Variants in KALRN observed in about 807,000 individuals in gnomAD.
KALRN encodes the protein kalirin RhoGEF kinase, also known as kalirin.
Under a neutral mutation model 353.7 loss-of-function variants are expected in KALRN, and 70 were observed. The observed-to-expected ratio is 0.20, with a 90% confidence interval of 0.16 to 0.24. The LOEUF is 0.24. KALRN is among the 10% of genes least tolerant of loss of function. KALRN has a pLI of 1.00. For synonymous variants in KALRN, 1,391 were observed against 1,434.8 expected (o/e 0.97, Z 0.69); for missense variants, 2,791 against 3,756.7 (o/e 0.74, Z 6.72).
intron 14 of KALRN, among the ~76,000 whole-genome samples, chr3:124,421,598 G>T (rs781160053): frequency 6.6e-6 from 1 of 152,114 alleles, no homozygotes; most frequent in Non-Finnish European, 1.5e-5. Context: ...CCAAAGTCAG[G>T]ATTCCAGCTC....
At chr3:124,039,694 G>A (rs953922819) in intron 1 of KALRN, among the ~76,000 whole-genome samples, 4 of 152,136 alleles carry the variant, frequency 2.6e-5, no homozygotes, top group Admixed American at 6.5e-5. Context: ...AAATGTCACC[G>A]CCCAGTCTGT....
intron 14 of KALRN, among the ~76,000 whole-genome samples, chr3:124,416,614 G>A (rs188662872): frequency 1.4e-3 from 220 of 152,352 alleles, no homozygotes; most frequent in African/African-American, 4.9e-3. Flanking sequence ...GCCTGGTTCT[G>A]CAGGGGAGGC....
Position 124,177,532 on chromosome 3 carries a change from TTGG to T in KALRN, c.74-50455_74-50453del, listed in dbSNP as rs1340046487. ...CCCTGAGGAAGCCCTGCAGTAGTAGTTGGTGAAGTGATCATTTTTCAGGCTCAG... is the reference window on the plus strand; with the variant it reads ...CCCTGAGGAAGCCCTGCAGTAGTAGTTGAAGTGATCATTTTTCAGGCTCAG... On this transcript the variant is annotated intron_variant, in intron 1 of 59. Transcript: ENST00000682506. Among the ~76,000 whole-genome samples the T allele has an allele frequency of 5.9e-5, 9 of 152,232 alleles. No individual in the cohort carries two copies. In the South Asian group the frequency reaches 1.9e-3, roughly 32 times the overall value.
intron 36 of KALRN, among the ~76,000 whole-genome samples, 172 bp downstream of exon 36, chr3:124,634,125 G>A (rs2081095612): frequency 6.6e-6 from 1 of 152,096 alleles, no homozygotes; most frequent in Admixed American, 6.5e-5. Flanking sequence ...CCCCAACCCT[G>A]GAGGTCCAAC....
chr3:124,394,128 G>T (rs938324488), intron 11 of KALRN, among the ~76,000 whole-genome samples: 2 of 152,204 alleles, frequency 1.3e-5, no homozygotes, highest in Admixed American at 1.3e-4. Context: ...AGATGGAAGG[G>T]TATAGTGATT....
chr3:124,438,316 A>G (rs1458646115), intron 17 of KALRN, among the ~76,000 whole-genome samples: 1 of 152,152 alleles, frequency 6.6e-6, no homozygotes. Context: ...TTACCCCTCT[A>G]CAGGAAATGT....
chr3:124,130,000 T>G (rs1349399489), intron 1 of KALRN, among the ~76,000 whole-genome samples: 1 of 152,222 alleles, frequency 6.6e-6, no homozygotes, highest in South Asian at 2.1e-4. Flanking sequence ...TGATAACTGA[T>G]TAACATTTGC....
At position 124,264,694 on chromosome 3, in the gene KALRN, A is replaced by G. The variant is rs760410127; in HGVS notation, c.456+4A>G. 1 of 1,613,356 alleles carries G rather than the reference A, an allele frequency of 6.2e-7. No homozygotes were observed. The highest frequency in any genetic ancestry group is 2.2e-5 in the East Asian group (1 of 44,878). The stretch of plus-strand genomic sequence containing the variant: ...CAGCTCCAAATTCATCTTTGAGGTG[A>G]GCCAGATTTCTCTCTCTTAGCATCT... On this transcript the variant is annotated splice_donor_region_variant and intron_variant, in intron 4 of 59. Coordinates refer to ENST00000682506, the MANE Select transcript of KALRN (RefSeq NM_001388419.1).
chr3:124,507,559 C>T (rs753320847), intron 33 of KALRN, among the ~76,000 whole-genome samples: 1 of 152,100 alleles, frequency 6.6e-6, no homozygotes, highest in African/African-American at 2.4e-5. Flanking sequence ...TTTTATTGAA[C>T]AAAATTTAAT....
intron 31 of KALRN, 63 bp from the exon 32 acceptor site, chr3:124,492,677 G>C: frequency 6.4e-7 from 1 of 1,551,706 alleles, no homozygotes; most frequent in Non-Finnish European, 8.8e-7. Context: ...GGAGGGTTGA[G>C]AACTGTTTTT....
At chr3:124,440,120 T>C (rs2093622809) in intron 18 of KALRN, among the ~76,000 whole-genome samples, 1 of 152,122 alleles carries the variant, frequency 6.6e-6, no homozygotes, top group Non-Finnish European at 1.5e-5. Flanking sequence ...GGTCAGAACC[T>C]CTAGTAATCA....
intron 33 of KALRN, among the ~76,000 whole-genome samples, chr3:124,547,038 C>T (rs1200417809): frequency 6.6e-6 from 1 of 152,228 alleles, no homozygotes; most frequent in Non-Finnish European, 1.5e-5. Flanking sequence ...TATGCAGTCT[C>T]TTCCTTTTAG....
chr3:124,503,451 CT>C (rs5852407), intron 33 of KALRN, among the ~76,000 whole-genome samples: 8,103 of 148,804 alleles, frequency 0.054, 276 homozygotes, highest in Middle Eastern at 0.095. Context: ...ATTGTAATTT[CT>C]TTTTTTTTTT....
intron 3 of KALRN, among the ~76,000 whole-genome samples, chr3:124,237,495 C>A (rs76213784): frequency 0.092 from 13,992 of 151,710 alleles, 1,812 homozygotes; most frequent in East Asian, 0.64. Flanking sequence ...GCCAAGTAGC[C>A]GGGATTACAG....
intron 1 of KALRN, among the ~76,000 whole-genome samples, chr3:124,193,951 G>T (rs1434984046): frequency 1.3e-5 from 2 of 152,070 alleles, no homozygotes; most frequent in East Asian, 3.9e-4. Flanking sequence ...AATTAGGGAG[G>T]ATTCTGACTT....
chr3:124,623,427 C>CACACACACACAA (rs139583497), intron 34 of KALRN, among the ~76,000 whole-genome samples: 2 of 147,128 alleles, frequency 1.4e-5, no homozygotes, highest in African/African-American at 5.0e-5. Flanking sequence ...CACACACACA[C>CACACACACACAA]AAAAGGGAGT....
chr3:124,674,525 T>C lies in KALRN; in HGVS notation c.7104T>C (p.His2368=). ...TGGTGTACCAGCCTGCCAGCGACCA[T>C]TCCCCCGCCGCCGAGGGCTGGGTCC... ...MCLVYQPASD[H]SPAAEGWVPG... The change falls in exon 49 of 60, where the codon CAT becomes CAC. Residue 2368 remains histidine (H), a synonymous_variant. Coordinates refer to ENST00000682506, the MANE Select transcript of KALRN (RefSeq NM_001388419.1). 5 of 1,613,726 alleles carry C rather than the reference T, an allele frequency of 3.1e-6. No individual in the cohort carries two copies. The highest frequency in any genetic ancestry group is 1.3e-5 in the African/African-American group (1 of 74,998).
At chr3:124,065,097 T>A (rs1261840894) in intron 1 of KALRN, among the ~76,000 whole-genome samples, 4 of 152,196 alleles carry the variant, frequency 2.6e-5, no homozygotes, top group Non-Finnish European at 5.9e-5. Context: ...CAGGAAAGAC[T>A]GCTTTGTACT....
intron 1 of KALRN, among the ~76,000 whole-genome samples, chr3:124,081,140 A>G (rs1232038447): frequency 6.6e-6 from 1 of 152,222 alleles, no homozygotes. Flanking sequence ...CTCACCTTCT[A>G]TGACATTCTC....
Sources: allele counts gnomAD v4.1 joint callset (sites outside exome capture counted in the v4.1 genomes callset), GRCh38; gene constraint gnomAD v4.1.1; transcripts MANE v1.5; gene names NCBI Gene and HGNC (gene_info 2026-07-23, HGNC 2026-07-21).